CSNK1A1: variants seen among roughly 807,000 people sequenced by gnomAD.
CSNK1A1 encodes casein kinase 1 alpha 1.
A neutral mutation model predicts 46.1 loss-of-function variants in CSNK1A1; 7 were observed. The ratio of observed to expected loss-of-function variants is 0.15; its 90% CI spans 0.09 to 0.29. CSNK1A1 has a LOEUF of 0.29. CSNK1A1 is among the 10% of genes least tolerant of loss of function. The pLI is 1.00. For missense variants in CSNK1A1, 96 were observed against 417.1 expected (o/e 0.23, Z 6.71); for synonymous variants, 137 against 141.5 (o/e 0.97, Z 0.23).
chr5:149,514,937 A>T (rs571128866), intron 4 of CSNK1A1, among the ~76,000 whole-genome samples: 1 of 152,344 alleles, frequency 6.6e-6, no homozygotes, highest in Non-Finnish European at 1.5e-5. Flanking sequence ...AAGTCATTAC[A>T]GGAAAATTTG....
At chr5:149,507,193 T>A in intron 7 of CSNK1A1, 60 bp from the exon 8 acceptor site, 1 of 1,292,096 alleles carries the variant, frequency 7.7e-7, no homozygotes, top group African/African-American at 1.5e-5. Context: ...GAAAAATAAA[T>A]GCATTTAAGT....
At chr5:149,498,224 C>T (rs1760717923) in intron 9 of CSNK1A1, 1 of 984,732 alleles carries the variant, frequency 1.0e-6, no homozygotes, top group Non-Finnish European at 1.2e-6. Flanking sequence ...TGCATATATG[C>T]CCCTTTTTTT....
intron 2 of CSNK1A1, among the ~76,000 whole-genome samples, chr5:149,544,736 T>TC (rs59756979): frequency 3.7e-5 from 2 of 54,560 alleles, no homozygotes; most frequent in Non-Finnish European, 6.8e-5. Flanking sequence ...GGTAAAGAGC[T>TC]TTATATATAT....
rs1762330135 is a variant in CSNK1A1, at chr5:149,542,663, TATATATATGTATATATATATATATATA to T, written c.230+7385_230+7411del. On this transcript the variant is annotated intron_variant, in intron 2 of 9. Transcript: ENST00000377843. Reference sequence around the variant, plus strand: ...ATGTATATATATATATATATATATATATATATATGTATATATATATATATATATATTTTTTTTTTTTTTTTTTTTTGA... The same window carrying T: ...ATGTATATATATATATATATATATATTATTTTTTTTTTTTTTTTTTTTTGA... Among the ~76,000 whole-genome samples the T allele has an allele frequency of 1.1e-3, 12 of 10,994 alleles. 2 individuals carry two copies. Among genetic ancestry groups the T allele is most frequent in the African/African-American group, 3.2e-3 (8 of 2,512 alleles). The allele number at this position is 10,994 out of a possible 152,430, so 7.2% of individuals were successfully genotyped here.
chr5:149,503,049 A>G, intron 9 of CSNK1A1: 1 of 983,920 alleles, frequency 1.0e-6, no homozygotes, highest in Non-Finnish European at 1.2e-6. Flanking sequence ...AACAGGCGTG[A>G]GCCACTGCAC....
chr5:149,500,808 A>AT (rs1760830988), intron 9 of CSNK1A1, among the ~76,000 whole-genome samples: 1 of 143,474 alleles, frequency 7.0e-6, no homozygotes, highest in Non-Finnish European at 1.5e-5. Context: ...TTAAAGAATA[A>AT]TTAAAAAAAA....
intron 7 of CSNK1A1, among the ~76,000 whole-genome samples, chr5:149,507,693 A>G (rs1403365888): frequency 6.6e-6 from 1 of 152,074 alleles, no homozygotes; most frequent in Non-Finnish European, 1.5e-5. Flanking sequence ...CAAATTCCCG[A>G]GCTCAAGAGA....
At chr5:149,512,423 T>C (rs1294412881) in intron 5 of CSNK1A1, among the ~76,000 whole-genome samples, 6 of 152,158 alleles carry the variant, frequency 3.9e-5, no homozygotes, top group Non-Finnish European at 8.8e-5. Context: ...AAGCCTGAAA[T>C]TCTTGGTATG....
At chr5:149,546,088 GGTT>G (rs1287608906) in intron 2 of CSNK1A1, among the ~76,000 whole-genome samples, 1 of 150,852 alleles carries the variant, frequency 6.6e-6, no homozygotes, top group Non-Finnish European at 1.5e-5. Context: ...GTAGAGACAG[GGTT>G]TCACCTGTCT....
chr5:149,509,667 GT>G (rs1761153407), intron 7 of CSNK1A1, among the ~76,000 whole-genome samples: 1 of 151,918 alleles, frequency 6.6e-6, no homozygotes, highest in South Asian at 2.1e-4. Flanking sequence ...GCCTTCTAAA[GT>G]GCTGGGATTG....
chr5:149,520,224 T>C, intron 4 of CSNK1A1, 66 bp downstream of exon 4: 1 of 1,037,914 alleles, frequency 9.6e-7, no homozygotes, highest in Non-Finnish European at 1.4e-6. Context: ...GATTGAAAAG[T>C]TTACCAAAGC....
In CSNK1A1 at chr5:149,496,741, G is replaced by T; in HGVS notation, c.*112C>A. 1 of 1,423,710 alleles carries T rather than the reference G, an allele frequency of 7.0e-7. No homozygotes were observed. The highest frequency in any genetic ancestry group is 9.4e-7 in the Non-Finnish European group (1 of 1,063,870). 88.2% of individuals were successfully genotyped at this position (1,423,710 alleles called of 1,614,324 possible). A position where few individuals can be genotyped will look rare whatever the true frequency, so the allele number is the denominator to read the frequency against. On this transcript the variant is annotated 3_prime_UTR_variant, in exon 10 of 10. Transcript: ENST00000377843. ...ATTAAGTTCTTTACACCAAGTAAAT[G>T]GTTGTCCACAACCACTGGCTAGTGT... is the stretch of plus-strand genomic sequence containing the variant.
intron 2 of CSNK1A1, chr5:149,545,554 TAGGCAAGTCAATCG>T (rs1762451796): frequency 2.9e-6 from 2 of 686,532 alleles, no homozygotes; most frequent in Non-Finnish European, 5.3e-6. Context: ...GTGGACAATG[TAGGCAAGTCAATCG>T]AGTTCGCAGC....
At chr5:149,500,038 C>T (rs1296776334) in intron 9 of CSNK1A1, among the ~76,000 whole-genome samples, 1 of 144,154 alleles carries the variant, frequency 6.9e-6, no homozygotes, top group African/African-American at 2.6e-5. Flanking sequence ...GCGCGATCTC[C>T]GCCCACTACA....
intron 2 of CSNK1A1, chr5:149,529,623 T>C (rs891683313): frequency 6.7e-6 from 3 of 450,608 alleles, no homozygotes; most frequent in Non-Finnish European, 1.3e-5. Context: ...GCAAACCATT[T>C]TGGGGCATGG....
Position 149,498,228 on chromosome 5 carries a change from T to C in CSNK1A1, c.1007-1368A>G, listed in dbSNP as rs538433800. 813 of 664,398 alleles carry C rather than the reference T, an allele frequency of 1.2e-3. 1 individual carries two copies. Among genetic ancestry groups the C allele is most frequent in the Middle Eastern group, 4.2e-3 (5 of 1,200 alleles). 41.2% of individuals were successfully genotyped at this position (664,398 alleles called of 1,614,324 possible). On this transcript the variant is annotated intron_variant, in intron 9 of 9. Transcript: ENST00000377843. ...TTTATTTCTTATGCATATATGCCCCTTTTTTTTTTTGGGAAATAATAGCGA... is the reference window on the plus strand; with the variant it reads ...TTTATTTCTTATGCATATATGCCCCCTTTTTTTTTTGGGAAATAATAGCGA...
intron 7 of CSNK1A1, 129 bp downstream of exon 7, chr5:149,509,750 C>G (rs1193900628): frequency 5.9e-6 from 3 of 505,024 alleles, no homozygotes; most frequent in Non-Finnish European, 1.1e-5. Flanking sequence ...CTATGTTGCC[C>G]AGGCTGGTCT....
At chr5:149,539,237 G>C (rs1412248247) in intron 2 of CSNK1A1, among the ~76,000 whole-genome samples, 1 of 151,978 alleles carries the variant, frequency 6.6e-6, no homozygotes, top group South Asian at 2.1e-4. Context: ...AATTCTAAGA[G>C]GAAATATATA....
chr5:149,544,216 A>C (rs941577881), intron 2 of CSNK1A1, among the ~76,000 whole-genome samples: 9 of 152,178 alleles, frequency 5.9e-5, no homozygotes, highest in African/African-American at 2.2e-4. Flanking sequence ...CCATTAGAAC[A>C]ATCCTTTTTT....
Sources: gnomAD v4.1 joint callset for allele counts (sites outside exome capture counted in the v4.1 genomes callset) on GRCh38, gnomAD v4.1.1 for gene constraint, MANE v1.5 for transcripts, NCBI Gene and HGNC (gene_info 2026-07-23, HGNC 2026-07-21) for gene names.